PGM5: variants seen among roughly 807,000 people sequenced by gnomAD.
PGM5 encodes the protein phosphoglucomutase 5.
A neutral mutation model predicts 59.2 loss-of-function variants in PGM5; 23 were observed. The ratio of observed to expected loss-of-function variants is 0.39; its 90% confidence interval spans 0.28 to 0.55. PGM5 has a LOEUF of 0.55. Ranked by LOEUF, PGM5 falls within the 20% of genes least tolerant of loss-of-function variation. PGM5 has a pLI of 0.66. For missense variants in PGM5, 574 were observed against 748.3 expected (o/e 0.77, Z 2.72); for synonymous variants, 214 against 286.0 (o/e 0.75, Z 2.54).
intron 10 of PGM5, among the ~76,000 whole-genome samples, chr9:68,505,664 G>A (rs916426933): frequency 2.6e-5 from 4 of 152,214 alleles, no homozygotes; most frequent in Admixed American, 6.5e-5. Flanking sequence ...GAGAAGGAGT[G>A]TGGAGCTTCC....
intron 10 of PGM5, among the ~76,000 whole-genome samples, chr9:68,523,924 T>C (rs1216964703): frequency 1.3e-5 from 2 of 152,176 alleles, no homozygotes; most frequent in African/African-American, 4.8e-5. Flanking sequence ...TCTTGTGACA[T>C]TCAGATCATT....
At chr9:68,520,870 T>C (rs138594340) in intron 10 of PGM5, among the ~76,000 whole-genome samples, 16 of 152,366 alleles carry the variant, frequency 1.1e-4, no homozygotes, top group African/African-American at 3.8e-4. Flanking sequence ...AAGCATCAGT[T>C]TTACATATAA....
chr9:68,473,587 C>G (rs1022836337), intron 7 of PGM5, among the ~76,000 whole-genome samples: 1 of 152,204 alleles, frequency 6.6e-6, no homozygotes, highest in African/African-American at 2.4e-5. Flanking sequence ...AATCCCCTAG[C>G]GCAGTGCCTG....
intron 6 of PGM5, chr9:68,426,962 A>G (rs7020465): frequency 0.58 from 88,542 of 152,120 alleles, 25,714 homozygotes; most frequent in Admixed American, 0.6. Flanking sequence ...AGAACTCGGT[A>G]AGTGATTAAT....
chr9:68,512,155 A>G (rs1193872827), intron 10 of PGM5, among the ~76,000 whole-genome samples: 2 of 152,198 alleles, frequency 1.3e-5, no homozygotes, highest in Non-Finnish European at 1.5e-5. Flanking sequence ...GGTTGTTCCA[A>G]GCTCTTTTAC....
rs1185150273 is a variant in PGM5 at position 68,368,168 on chromosome 9, G to C, written c.262-10031G>C. Among the ~76,000 whole-genome samples, 171 of 149,852 alleles carry C rather than the reference G, an allele frequency of 1.1e-3. 1 individual carries two copies. In the East Asian group the frequency reaches 0.026, roughly 22 times the overall value. ...ATATATTTAACAAGAGGCTAGAACA[G>C]AGTCCAAAATGTCAGAAATGTTTGA... On this transcript the variant is annotated intron_variant, in intron 1 of 10. Transcript: ENST00000396396.
intron 1 of PGM5, among the ~76,000 whole-genome samples, chr9:68,362,955 G>A (rs1309974485): frequency 3.5e-4 from 47 of 134,074 alleles, no homozygotes; most frequent in Non-Finnish European, 4.6e-5. Context: ...TAGAACTTCC[G>A]CCTCCTGGGT....
intron 10 of PGM5, among the ~76,000 whole-genome samples, chr9:68,502,318 A>G (rs1377351193): frequency 1.3e-5 from 2 of 152,174 alleles, no homozygotes; most frequent in Non-Finnish European, 2.9e-5. Flanking sequence ...ATTTGGAAAA[A>G]GGAATGAGCC....
chr9:68,462,135 G>A (rs1375190454), intron 6 of PGM5, among the ~76,000 whole-genome samples: 1 of 151,806 alleles, frequency 6.6e-6, no homozygotes, highest in Non-Finnish European at 1.5e-5. Flanking sequence ...TCACTCGCAG[G>A]AAAAAATGTG....
rs199507147 is a variant in PGM5, at chr9:68,384,479, G to A, written c.506G>A (p.Arg169Gln). The change falls in exon 3 of 11, where the codon CGA becomes CAA. Residue 169 changes from arginine to glutamine, a missense_variant. This residue lies in a region of PGM5 where 103 missense variants were observed against 112.4 expected (regional missense o/e 0.92). Coordinates refer to ENST00000396396, the MANE Select transcript of PGM5 (RefSeq NM_021965.4). Reference sequence around the variant, plus strand: ...GAATATGCTATATGTCCTGATCTCCGAATCGACCTATCTCGACTAGGAAGA... The same window carrying A: ...GAATATGCTATATGTCCTGATCTCCAAATCGACCTATCTCGACTAGGAAGA... ...IEEYAICPDLRIDLSRLGRQE... is the reference protein window; with the variant it reads ...IEEYAICPDLQIDLSRLGRQE... 1.1e-5 allele frequency: 18 copies of A among 1,609,326 alleles called. No homozygotes were observed. Among genetic ancestry groups the A allele is most frequent in the African/African-American group, 2.7e-5 (2 of 74,830 alleles).
chr9:68,465,101 A>T lies in PGM5; in HGVS notation c.1052A>T (p.Lys351Ile), dbSNP rs200594449. The part of the protein sequence containing the change: ...PTSMALDRVA[K>I]SMKVPVYETP... ...CAAATTTCATTTTTCAGAGTGGCCA[A>T]ATCAATGAAGGTCCCTGTATATGAG... Residue 351 changes from lysine (K) to isoleucine (I), a missense_variant, in exon 7 of 11, where the codon AAA (lysine) becomes ATA (isoleucine). By Grantham distance (102) the Lys-to-Ile change is moderately radical. This residue lies in a region of PGM5 where 300 missense variants were observed against 280.0 expected (regional missense o/e 1.07). Coordinates refer to ENST00000396396, the MANE Select transcript of PGM5 (RefSeq NM_021965.4). The T allele has an allele frequency of 1.9e-5, 31 of 1,602,134 alleles. No homozygotes were observed. The Admixed American group carries it at 3.9e-4, about 20-fold the overall frequency.
At chr9:68,369,357 C>G (rs1292300135) in intron 1 of PGM5, among the ~76,000 whole-genome samples, 1 of 152,172 alleles carries the variant, frequency 6.6e-6, no homozygotes, top group Admixed American at 6.5e-5. Flanking sequence ...CCTCAGGGCA[C>G]TCAACTCTGC....
chr9:68,517,809 T>G (rs1329954639), intron 10 of PGM5, among the ~76,000 whole-genome samples: 1 of 152,210 alleles, frequency 6.6e-6, no homozygotes, highest in Non-Finnish European at 1.5e-5. Flanking sequence ...TGTAAAGAGC[T>G]GAAAGAAATA....
chr9:68,434,695 A>G (rs1823416882), intron 6 of PGM5, among the ~76,000 whole-genome samples: 2 of 151,972 alleles, frequency 1.3e-5, no homozygotes, highest in African/African-American at 4.8e-5. Flanking sequence ...AATCCCAGCT[A>G]CTCAGGAGGC....
chr9:68,462,526 C>G (rs1380158517), intron 6 of PGM5, among the ~76,000 whole-genome samples: 7 of 152,200 alleles, frequency 4.6e-5, no homozygotes, highest in African/African-American at 1.7e-4. Context: ...ATAAAAGTAT[C>G]CGGTCCTTTA....
intron 6 of PGM5, among the ~76,000 whole-genome samples, chr9:68,434,054 C>T (rs1419756889): frequency 2.6e-5 from 4 of 152,092 alleles, no homozygotes; most frequent in African/African-American, 4.8e-5. Context: ...CAGTGGCTCA[C>T]GCCTATAATC....
At chr9:68,373,690 G>T (rs1195526197) in intron 1 of PGM5, among the ~76,000 whole-genome samples, 5 of 152,176 alleles carry the variant, frequency 3.3e-5, no homozygotes, top group Admixed American at 2.0e-4. Flanking sequence ...GTGGGTGGTT[G>T]TAATAAATAA....
intron 2 of PGM5, among the ~76,000 whole-genome samples, chr9:68,379,035 A>G (rs1385826821): frequency 6.6e-6 from 1 of 152,188 alleles, no homozygotes; most frequent in Non-Finnish European, 1.5e-5. Flanking sequence ...GCACGAGAAC[A>G]TTTCACACCC....
chr9:68,357,436 C>G, intron 1 of PGM5, 48 bp downstream of exon 1: 16 of 1,539,448 alleles, frequency 1.0e-5, no homozygotes, highest in Non-Finnish European at 1.3e-5. Flanking sequence ...CCGCCATGCC[C>G]TCTCCTAGCC....
Sources: allele counts gnomAD v4.1 joint callset (sites outside exome capture counted in the v4.1 genomes callset), GRCh38; gene constraint gnomAD v4.1.1; regional missense constraint gnomAD v4.1.1; transcripts MANE v1.5; gene names NCBI Gene and HGNC (gene_info 2026-07-23, HGNC 2026-07-21).